The following PACS1 variants were observed in gnomAD, a reference collection of about 807,000 sequenced individuals.
PACS1 encodes the protein phosphofurin acidic cluster sorting protein 1, also known as PACS-1.
PACS1 carries 24 observed loss-of-function variants against 115.0 expected under a neutral mutation model. That is an observed-to-expected ratio of 0.21 (90% CI 0.15 to 0.29). The LOEUF is 0.29. Among genes scored for constraint, PACS1 ranks in the 10% least tolerant of loss-of-function variants. PACS1 has a pLI of 1.00. For missense variants in PACS1, 838 were observed against 1,251.2 expected, an observed-to-expected ratio of 0.67 and a Z score of 4.98; for synonymous variants, 453 against 504.5, an observed-to-expected ratio of 0.90 and a Z score of 1.37.
rs544396921 is a variant in PACS1, at chr11:66,177,592, C to G, written c.357-15894C>G. On this transcript the variant is annotated intron_variant, in intron 1 of 23. Transcript: ENST00000320580. ...TATCCTTCTATTAAAAGTCCACCTT[C>G]TCTTCCTGTAAGGTTTTTTTTGTTT... is the stretch of plus-strand genomic sequence containing the variant. 5.3e-5 allele frequency among the ~76,000 whole-genome samples: 8 copies of G among 152,202 alleles called. No individual in the cohort carries two copies. The South Asian group carries it at 1.7e-3, about 32-fold the overall frequency.
intron 1 of PACS1, among the ~76,000 whole-genome samples, chr11:66,149,245 C>G (rs184267623): frequency 1.6e-4 from 25 of 152,044 alleles, no homozygotes; most frequent in Admixed American, 7.2e-4. Context: ...GCGTGCGCCA[C>G]CACACATGAC....
chr11:66,133,568 T>C (rs1858752898), intron 1 of PACS1, among the ~76,000 whole-genome samples: 1 of 152,252 alleles, frequency 6.6e-6, no homozygotes, highest in Non-Finnish European at 1.5e-5. Context: ...ATGCCCAGGC[T>C]GGGGTGGCGC....
intron 2 of PACS1, among the ~76,000 whole-genome samples, chr11:66,206,943 A>G (rs748561676): frequency 8.5e-5 from 13 of 152,198 alleles, no homozygotes; most frequent in Non-Finnish European, 1.8e-4. Flanking sequence ...TATTTTGGAA[A>G]AATCTCAAAC....
intron 4 of PACS1, among the ~76,000 whole-genome samples, chr11:66,215,902 AAATAATAAT>A (rs71461611): frequency 0.037 from 5,072 of 136,950 alleles, 106 homozygotes; most frequent in Non-Finnish European, 0.046. Context: ...TCCGTCTCAA[AAATAATAAT>A]AATAATAATA....
chr11:66,199,443 T>C (rs1565143745), intron 2 of PACS1, among the ~76,000 whole-genome samples: 1 of 152,102 alleles, frequency 6.6e-6, no homozygotes, highest in Non-Finnish European at 1.5e-5. Flanking sequence ...AAATAATGTT[T>C]TATAAGATGT....
intron 4 of PACS1, among the ~76,000 whole-genome samples, chr11:66,214,584 C>A (rs554699049): frequency 7.2e-6 from 1 of 139,202 alleles, no homozygotes; most frequent in Non-Finnish European, 1.6e-5. Flanking sequence ...TTCTCTCTCT[C>A]GCTCCCATTC....
intron 1 of PACS1, among the ~76,000 whole-genome samples, chr11:66,140,949 T>C (rs922959353): frequency 6.6e-6 from 1 of 152,178 alleles, no homozygotes. Context: ...TCTTATTGTA[T>C]GGATCTACCA....
intron 1 of PACS1, among the ~76,000 whole-genome samples, chr11:66,087,243 T>TG (rs1024553212): frequency 7.9e-5 from 12 of 151,276 alleles, no homozygotes; most frequent in African/African-American, 1.5e-4. Flanking sequence ...TGTTTTTTTT[T>TG]TTTGTTTTTT....
intron 1 of PACS1, among the ~76,000 whole-genome samples, chr11:66,133,888 A>G (rs1266911084): frequency 6.6e-6 from 1 of 152,140 alleles, no homozygotes; most frequent in African/African-American, 2.4e-5. Context: ...AAAAATATCT[A>G]ATGGAAAGAA....
At chr11:66,105,158 T>C (rs1858006045) in intron 1 of PACS1, among the ~76,000 whole-genome samples, 1 of 152,164 alleles carries the variant, frequency 6.6e-6, no homozygotes, top group Admixed American at 6.6e-5. Flanking sequence ...GCACGGTGGC[T>C]CACTCCTGTA....
chr11:66,216,822 G>T (rs748251478), intron 7 of PACS1, 47 bp downstream of exon 7: 20 of 1,409,424 alleles, frequency 1.4e-5, no homozygotes, highest in Middle Eastern at 3.5e-4. Flanking sequence ...TTTTCAGTCT[G>T]GGGGTAGGTT....
chr11:66,099,607 T>A (rs1857867769), intron 1 of PACS1, among the ~76,000 whole-genome samples: 1 of 139,108 alleles, frequency 7.2e-6, no homozygotes, highest in Non-Finnish European at 1.6e-5. Flanking sequence ...GTACAGTCGC[T>A]CGATATCAGC....
chr11:66,182,462 T>G (rs909369852), intron 1 of PACS1, among the ~76,000 whole-genome samples: 38 of 152,030 alleles, frequency 2.5e-4, no homozygotes, highest in African/African-American at 8.9e-4. Flanking sequence ...AAAATTTAGT[T>G]GCTTTGCTTT....
At chr11:66,230,376 A>G in intron 11 of PACS1, 172 bp from the exon 12 acceptor site, 1 of 609,572 alleles carries the variant, frequency 1.6e-6, no homozygotes, top group Non-Finnish European at 3.0e-6. Context: ...ACCCGTGAAC[A>G]GTGGCGATTT....
chr11:66,119,110 C>G (rs139854377), intron 1 of PACS1, among the ~76,000 whole-genome samples: 1 of 152,314 alleles, frequency 6.6e-6, no homozygotes, highest in East Asian at 1.9e-4. Context: ...CCCCTACTCC[C>G]TGCTTGTCCT....
intron 10 of PACS1, among the ~76,000 whole-genome samples, chr11:66,222,398 G>A (rs370392558): frequency 1.3e-5 from 2 of 152,128 alleles, no homozygotes; most frequent in African/African-American, 4.8e-5. Context: ...TGTAGCAGCC[G>A]GAGCCACGAC....
chr11:66,092,961 C>G (rs1195074512), intron 1 of PACS1, among the ~76,000 whole-genome samples: 2 of 152,142 alleles, frequency 1.3e-5, no homozygotes, highest in Admixed American at 1.3e-4. Flanking sequence ...ATGCCTCCAG[C>G]TTTGTTCTTT....
chr11:66,089,153 C>T (rs1170406895), intron 1 of PACS1, among the ~76,000 whole-genome samples: 3 of 152,054 alleles, frequency 2.0e-5, no homozygotes, highest in South Asian at 4.1e-4. Flanking sequence ...GTGCAGGACT[C>T]GAAGGTTCCC....
At chr11:66,182,158 A>G (rs1313211602) in intron 1 of PACS1, among the ~76,000 whole-genome samples, 1 of 152,224 alleles carries the variant, frequency 6.6e-6, no homozygotes, top group Non-Finnish European at 1.5e-5. Flanking sequence ...GAAAATTATC[A>G]TCAAGGAGAT....
Sources: allele counts gnomAD v4.1 joint callset (sites outside exome capture counted in the v4.1 genomes callset), GRCh38; gene constraint gnomAD v4.1.1; transcripts MANE v1.5; gene names NCBI Gene and HGNC (gene_info 2026-07-23, HGNC 2026-07-21).